The following CACNB4 variants were observed in gnomAD, a reference collection of about 807,000 sequenced individuals.
The protein encoded by CACNB4 is calcium voltage-gated channel auxiliary subunit beta 4.
CACNB4 carries 32 observed loss-of-function variants against 71.2 expected under a neutral mutation model. The observed-to-expected ratio is 0.45, with a 90% CI of 0.34 to 0.60. The LOEUF (loss-of-function observed/expected upper bound fraction) is 0.60. Ranked by LOEUF, CACNB4 falls within the 20% of genes least tolerant of loss-of-function variation. CACNB4 has a pLI of 0.01. For missense variants in CACNB4, 464 were observed against 647.9 expected, an observed-to-expected ratio of 0.72 and a Z score of 3.08; for synonymous variants, 231 against 236.9, an observed-to-expected ratio of 0.97 and a Z score of 0.23.
chr2:151,866,464 A>G (rs2099843135), intron 9 of CACNB4: 1 of 152,122 alleles, frequency 6.6e-6, no homozygotes, highest in South Asian at 2.1e-4. Flanking sequence ...CTTCCTTGTC[A>G]TTGTTCTCTT....
At chr2:152,037,344 C>T (rs1477165357) in intron 2 of CACNB4, among the ~76,000 whole-genome samples, 1 of 152,184 alleles carries the variant, frequency 6.6e-6, no homozygotes, top group Non-Finnish European at 1.5e-5. Flanking sequence ...CAATCTATAT[C>T]CCGTCAATTT....
intron 2 of CACNB4, among the ~76,000 whole-genome samples, chr2:151,996,802 C>CT (rs1370100228): frequency 2.6e-5 from 4 of 152,162 alleles, no homozygotes; most frequent in Non-Finnish European, 5.9e-5. Flanking sequence ...ATCCTAGTGT[C>CT]TTGCCCAGGA....
chr2:152,076,136 CTT>C (rs35400714), intron 2 of CACNB4, among the ~76,000 whole-genome samples: 2 of 71,200 alleles, frequency 2.8e-5, no homozygotes, highest in Non-Finnish European at 5.1e-5. Flanking sequence ...CACCTCTTTT[CTT>C]TTTTTTTTTT....
chr2:151,889,946 G>A (rs1451491005), intron 2 of CACNB4, among the ~76,000 whole-genome samples: 1 of 152,100 alleles, frequency 6.6e-6, no homozygotes, highest in Non-Finnish European at 1.5e-5. Context: ...TTCTTCTCAG[G>A]TGGTTACTTG....
chr2:152,012,603 C>CA (rs35418691), intron 2 of CACNB4, among the ~76,000 whole-genome samples: 5,143 of 123,328 alleles, frequency 0.042, 159 homozygotes, highest in African/African-American at 0.074. Context: ...CGCTCCATCT[C>CA]AAAAAAAAAA....
At chr2:151,937,109 A>T (rs2099863107) in intron 2 of CACNB4, among the ~76,000 whole-genome samples, 2 of 152,370 alleles carry the variant, frequency 1.3e-5, no homozygotes, top group South Asian at 4.1e-4. Context: ...GCAACAAATA[A>T]GTACCACTCC....
At chr2:151,887,177 G>GAATTCAGTGATTTTTAATAAATTTAC in intron 2 of CACNB4, among the ~76,000 whole-genome samples, 2 of 152,220 alleles carry the variant, frequency 1.3e-5, no homozygotes, top group Non-Finnish European at 1.5e-5. Flanking sequence ...GAAAAGACCT[G>GAATTCAGTGATTTTTAATAAATTTAC]ATGGAAGCCC....
chr2:151,923,410 C>T (rs538125945), intron 2 of CACNB4, among the ~76,000 whole-genome samples: 1 of 152,326 alleles, frequency 6.6e-6, no homozygotes, highest in East Asian at 1.9e-4. Context: ...GCTTGGCTTT[C>T]AACACATTGC....
intron 2 of CACNB4, among the ~76,000 whole-genome samples, chr2:152,068,406 C>T (rs1686469356): frequency 6.6e-6 from 1 of 152,208 alleles, no homozygotes; most frequent in Non-Finnish European, 1.5e-5. Flanking sequence ...GGTCCCGGCA[C>T]AGCCCAAGCA....
chr2:151,870,344 G>T (rs1323264398), intron 8 of CACNB4, 187 bp downstream of exon 8: 1 of 705,148 alleles, frequency 1.4e-6, no homozygotes, highest in Non-Finnish European at 2.6e-6. Context: ...AAGATGAGAA[G>T]TGTGCAAGAG....
At chr2:151,916,390 A>G (rs994162678) in intron 2 of CACNB4, among the ~76,000 whole-genome samples, 9 of 152,228 alleles carry the variant, frequency 5.9e-5, no homozygotes, top group African/African-American at 2.2e-4. Context: ...TATAAATTGA[A>G]CCAGTTTACT....
At chr2:151,873,558 G>A (rs1222216562) in intron 5 of CACNB4, 1 of 152,126 alleles carries the variant, frequency 6.6e-6, no homozygotes, top group African/African-American at 2.4e-5. Context: ...AACTAAGTCA[G>A]GGAAGGGATG....
At chr2:152,072,007 G>T (rs1686721557) in intron 2 of CACNB4, among the ~76,000 whole-genome samples, 1 of 152,232 alleles carries the variant, frequency 6.6e-6, no homozygotes, top group Non-Finnish European at 1.5e-5. Flanking sequence ...CTATGTGCCA[G>T]ACACAGTTCT....
intron 2 of CACNB4, among the ~76,000 whole-genome samples, chr2:152,055,894 C>A (rs1282095670): frequency 6.6e-6 from 1 of 152,078 alleles, no homozygotes; most frequent in Non-Finnish European, 1.5e-5. Flanking sequence ...TGAGTGGCGA[C>A]CGAAGCTCAG....
intron 2 of CACNB4, among the ~76,000 whole-genome samples, chr2:152,071,045 C>A (rs961809770): frequency 6.6e-6 from 1 of 152,248 alleles, no homozygotes; most frequent in Non-Finnish European, 1.5e-5. Flanking sequence ...AGATTACAGG[C>A]GTGAGCCACT....
At chr2:152,089,648 A>C (rs1687857694) in intron 2 of CACNB4, among the ~76,000 whole-genome samples, 1 of 152,132 alleles carries the variant, frequency 6.6e-6, no homozygotes, top group Non-Finnish European at 1.5e-5. Context: ...AAAAGCATGC[A>C]AAGCCAAGCG....
rs1578397198 is a variant in CACNB4, at chr2:151,835,351, G to A, written c.*3768C>T. The A allele has an allele frequency of 6.6e-6, 1 of 151,866 alleles. No homozygotes were observed. Among genetic ancestry groups the A allele is most frequent in the African/African-American group, 2.4e-5 (1 of 41,424 alleles). 9.4% of individuals were successfully genotyped at this position (151,866 alleles called of 1,614,324 possible). On this transcript the variant is annotated 3_prime_UTR_variant, in exon 14 of 14. Transcript: ENST00000539935. ...AAACAGTTTAAAATCTAAAGGGAAG[G>A]CATATTTTAATAATCTATGTATTTA...
chr2:151,979,664 C>A (rs2099874390), intron 2 of CACNB4, among the ~76,000 whole-genome samples: 1 of 152,168 alleles, frequency 6.6e-6, no homozygotes, highest in Non-Finnish European at 1.5e-5. Flanking sequence ...GAATTGTTGA[C>A]TGGTCCACAC....
chr2:151,935,122 G>C (rs1678226178), intron 2 of CACNB4, among the ~76,000 whole-genome samples: 1 of 152,208 alleles, frequency 6.6e-6, no homozygotes, highest in Admixed American at 6.5e-5. Flanking sequence ...AACTAAGGTA[G>C]AACTCTTAGA....
Sources: gnomAD v4.1 joint callset for allele counts (sites outside exome capture counted in the v4.1 genomes callset) on GRCh38, gnomAD v4.1.1 for gene constraint, MANE v1.5 for transcripts, NCBI Gene and HGNC (gene_info 2026-07-23, HGNC 2026-07-21) for gene names.